FBXL5: variants seen among roughly 807,000 people sequenced by gnomAD.
FBXL5 encodes F-box and leucine rich repeat protein 5, also known as F-box/LRR-repeat protein 5.
In FBXL5, 26 loss-of-function variants were observed where a neutral mutation model predicts 78.3. The observed-to-expected ratio is 0.33, with a 90% CI of 0.24 to 0.46. FBXL5 has a LOEUF of 0.46. FBXL5 is among the 20% of genes least tolerant of loss of function. The pLI is 1.00. For synonymous variants in FBXL5, 295 were observed against 282.5 expected (o/e 1.04, Z -0.45); for missense variants, 710 against 829.2 (o/e 0.86, Z 1.77).
At chr4:15,662,322 G>T (rs952027945), upstream of FBXL5, among the ~76,000 whole-genome samples, 1 of 150,576 alleles carries the variant, frequency 6.6e-6, no homozygotes, top group Admixed American at 6.6e-5. Flanking sequence ...GTTCAAAGGT[G>T]GTGGCACTTG....
chr4:15,657,943 G>A (rs1717087886), upstream of FBXL5, among the ~76,000 whole-genome samples: 1 of 152,194 alleles, frequency 6.6e-6, no homozygotes, highest in African/African-American at 2.4e-5. Context: ...ACCACCACAA[G>A]AAGTCTGAAT....
At chr4:15,607,029 A>C (rs1196651693) in intron 10 of FBXL5, among the ~76,000 whole-genome samples, 2 of 152,204 alleles carry the variant, frequency 1.3e-5, no homozygotes, top group African/African-American at 4.8e-5. Context: ...TACAAAATAC[A>C]AAGGGCAAAT....
chr4:15,655,381 A>C, upstream of FBXL5: 1 of 1,079,320 alleles, frequency 9.3e-7, no homozygotes, highest in Non-Finnish European at 1.1e-6. Flanking sequence ...CCCCTTGCGC[A>C]TGCGCCCGCC....
intron 4 of FBXL5, among the ~76,000 whole-genome samples, chr4:15,637,251 G>A (rs944408465): frequency 1.2e-4 from 19 of 152,258 alleles, no homozygotes; most frequent in East Asian, 5.8e-4. Flanking sequence ...CAGGTGAGAC[G>A]ACAAAATGTA....
chr4:15,666,939 G>A (rs1226468217), intron 1 of FBXL5, among the ~76,000 whole-genome samples: 3 of 151,220 alleles, frequency 2.0e-5, no homozygotes, highest in Non-Finnish European at 2.9e-5. Flanking sequence ...ATTCCACATT[G>A]TAGACATATA....
chr4:15,614,956 G>A (rs183758375), intron 9 of FBXL5, among the ~76,000 whole-genome samples: 126 of 152,258 alleles, frequency 8.3e-4, no homozygotes, highest in Non-Finnish European at 1.4e-3. Context: ...CGGCGCTTGC[G>A]GGCCAGCTGG....
chr4:15,656,471 T>C (rs1266450421), upstream of FBXL5: 2 of 346,276 alleles, frequency 5.8e-6, no homozygotes, highest in African/African-American at 4.3e-5. Flanking sequence ...TTGTTCTCTA[T>C]TATCTATCAC....
Position 15,644,589 on chromosome 4 carries a change from C to A in FBXL5, c.204G>T (p.Leu68Phe). ...AAATGGTCTGGCTGCGTTGTTGAAG[C>A]AAACCAATAATGTATTCATTTTCAA... ...EQIENEYIIG[L>F]LQQRSQTIYN... is the part of the protein sequence containing the mutation. Residue 68 changes from leucine to phenylalanine, a missense_variant, in exon 2 of 11, where the codon TTG becomes TTT. This residue lies in a region of FBXL5 where 132 missense variants were observed against 156.9 expected (regional missense o/e 0.84). Coordinates refer to ENST00000341285, the MANE Select transcript of FBXL5 (RefSeq NM_012161.4). The A allele has an allele frequency of 6.2e-7, 1 of 1,614,076 alleles. No homozygotes were observed. Among genetic ancestry groups the A allele is most frequent in the Non-Finnish European group, 8.5e-7 (1 of 1,179,992 alleles).
intron 1 of FBXL5, among the ~76,000 whole-genome samples, chr4:15,674,850 C>T (rs1198953147): frequency 6.6e-6 from 1 of 152,060 alleles, no homozygotes; most frequent in Non-Finnish European, 1.5e-5. Context: ...GGGGTTTCAC[C>T]GTGTTAGCCA....
intron 1 of FBXL5, among the ~76,000 whole-genome samples, chr4:15,651,464 A>T (rs533812299): frequency 2.2e-4 from 34 of 152,350 alleles, no homozygotes; most frequent in Admixed American, 2.0e-3. Flanking sequence ...GTAGACATGT[A>T]GTAAGAACTC....
At chr4:15,677,261 G>A (rs1228378880) in intron 1 of FBXL5, among the ~76,000 whole-genome samples, 7 of 152,102 alleles carry the variant, frequency 4.6e-5, no homozygotes, top group Admixed American at 4.6e-4. Flanking sequence ...CTCTTCTGTG[G>A]TATAATAAAA....
chr4:15,609,322 A>C (rs990021521), intron 10 of FBXL5, among the ~76,000 whole-genome samples: 1 of 152,184 alleles, frequency 6.6e-6, no homozygotes, highest in African/African-American at 2.4e-5. Flanking sequence ...GAATAATCTT[A>C]TAAGAAAGCA....
chr4:15,679,600 C>G (rs1718131375), intron 1 of FBXL5, among the ~76,000 whole-genome samples: 2 of 151,280 alleles, frequency 1.3e-5, no homozygotes. Flanking sequence ...AAACCAACAC[C>G]CAATGGTCCC....
intron 1 of FBXL5, among the ~76,000 whole-genome samples, chr4:15,646,190 T>C (rs1161068257): frequency 6.6e-6 from 1 of 152,202 alleles, no homozygotes; most frequent in Non-Finnish European, 1.5e-5. Context: ...ACTGTAGCTG[T>C]ATTTCCATAA....
intron 2 of FBXL5, among the ~76,000 whole-genome samples, chr4:15,643,285 C>A (rs904417892): frequency 6.6e-6 from 1 of 152,174 alleles, no homozygotes. Flanking sequence ...CCTCCCTAAG[C>A]TGTAGAACAG....
At chr4:15,605,826 G>A in intron 10 of FBXL5, 27 bp from the exon 11 acceptor site, 1 of 1,573,092 alleles carries the variant, frequency 6.4e-7, no homozygotes. Flanking sequence ...AAATGTGAAA[G>A]GAGGAATTTC....
At chr4:15,616,891 A>G (rs1250166891) in intron 9 of FBXL5, among the ~76,000 whole-genome samples, 1 of 152,172 alleles carries the variant, frequency 6.6e-6, no homozygotes, top group Admixed American at 6.5e-5. Flanking sequence ...TTGGGCACTC[A>G]GTTTTTCAGC....
In FBXL5 at chr4:15,636,624, T is replaced by C. The variant is rs754757226; in HGVS notation, c.636A>G (p.Val212=). The change falls in exon 5 of 11, where the codon GTA becomes GTG. Residue 212 remains valine, a synonymous_variant. Coordinates refer to ENST00000341285, the MANE Select transcript of FBXL5 (RefSeq NM_012161.4). The part of the protein sequence containing the change: ...STGITHLPPE[V]MLSIFSYLNP... The stretch of plus-strand genomic sequence containing the variant: ...TAAGATAGCTGAAAATTGACAGCAT[T>C]ACCTCAGGAGGAAGATGGGTTATAC... The C allele has an allele frequency of 3.7e-5, 59 of 1,613,892 alleles. No individual in the cohort carries two copies. The highest frequency in any genetic ancestry group is 1.7e-5 in the Admixed American group (1 of 60,000).
intron 9 of FBXL5, among the ~76,000 whole-genome samples, chr4:15,614,477 G>C (rs1711568311): frequency 6.6e-6 from 1 of 152,122 alleles, no homozygotes; most frequent in South Asian, 2.1e-4. Context: ...TTTGCCCTGG[G>C]GTCACCTGGG....
Sources: gnomAD v4.1 joint callset for allele counts (sites outside exome capture counted in the v4.1 genomes callset) on GRCh38, gnomAD v4.1.1 for gene constraint, gnomAD v4.1.1 regional missense constraint, MANE v1.5 for transcripts, NCBI Gene and HGNC (gene_info 2026-07-23, HGNC 2026-07-21) for gene names.